The following ADAM23 variants were observed in gnomAD, a reference collection of about 807,000 sequenced individuals.
ADAM23 encodes ADAM metallopeptidase domain 23.
A neutral mutation model predicts 120.1 loss-of-function variants in ADAM23; 33 were observed. The ratio of observed to expected loss-of-function variants is 0.27; its 90% CI spans 0.21 to 0.37. ADAM23 has a LOEUF of 0.37. Among genes scored for constraint, ADAM23 ranks in the 10% least tolerant of loss-of-function variants. ADAM23 has a pLI of 1.00. For missense variants in ADAM23, 862 were observed against 1,058.2 expected, an observed-to-expected ratio of 0.81 and a Z score of 2.57; for synonymous variants, 367 against 375.2, an observed-to-expected ratio of 0.98 and a Z score of 0.25.
chr2:206,496,725 A>G (rs1696257093), intron 3 of ADAM23, among the ~76,000 whole-genome samples: 1 of 152,188 alleles, frequency 6.6e-6, no homozygotes, highest in African/African-American at 2.4e-5. Flanking sequence ...TGGTTTTTTG[A>G]ACAGATCAAC....
At chr2:206,477,864 C>A (rs1210295812) in intron 2 of ADAM23, among the ~76,000 whole-genome samples, 1 of 97,006 alleles carries the variant, frequency 1.0e-5, no homozygotes, top group Non-Finnish European at 1.9e-5. Context: ...TTGGAAGAAG[C>A]AAGCCAATAT....
At chr2:206,472,871 ACACGGTGATCTGCTTCCT>A (rs1695689579) in intron 2 of ADAM23, among the ~76,000 whole-genome samples, 1 of 152,152 alleles carries the variant, frequency 6.6e-6, no homozygotes, top group Admixed American at 6.5e-5. Context: ...GAACAAAGTC[ACACGGTGATCTGCTTCCT>A]TTAAGTAGGA....
chr2:206,585,260 G>A (rs1274390177), intron 18 of ADAM23, among the ~76,000 whole-genome samples: 1 of 152,192 alleles, frequency 6.6e-6, no homozygotes, highest in African/African-American at 2.4e-5. Context: ...GTTGCATAAG[G>A]TTAAGAGTGA....
rs1344965614 is a variant in ADAM23 at position 206,596,049 on chromosome 2, A to C, written c.2248-2A>C. The C allele has an allele frequency of 6.2e-7, 1 of 1,609,744 alleles. No individual in the cohort carries two copies. ...GCCATATCTGTTCCTTTTTCTTCACAGGTGTGTAGTAATGAAGCCACCTGC... is the reference window on the plus strand; with the variant it reads ...GCCATATCTGTTCCTTTTTCTTCACCGGTGTGTAGTAATGAAGCCACCTGC... On this transcript the variant is annotated splice_acceptor_variant, in intron 23 of 25. Transcript: ENST00000264377. LOFTEE classifies it high-confidence loss of function.
intron 4 of ADAM23, among the ~76,000 whole-genome samples, chr2:206,535,220 T>C (rs1480093225): frequency 6.6e-6 from 1 of 152,244 alleles, no homozygotes; most frequent in Non-Finnish European, 1.5e-5. Flanking sequence ...TTCAATTCTA[T>C]GTCACTCTCT....
chr2:206,588,172 G>A lies in ADAM23; in HGVS notation c.1852+18G>A, dbSNP rs766501884. The A allele has an allele frequency of 6.2e-7, 1 of 1,613,508 alleles. No homozygotes were observed. Among genetic ancestry groups the A allele is most frequent in the Non-Finnish European group, 8.5e-7 (1 of 1,179,624 alleles). The stretch of plus-strand genomic sequence containing the variant: ...GGGAACAAGTAGGTCGCACCTCCTT[G>A]CTTGGCGGTTACACATACCATTTTC... On this transcript the variant is annotated intron_variant, in intron 20 of 25. Coordinates refer to ENST00000264377, the MANE Select transcript of ADAM23 (RefSeq NM_003812.4).
chr2:206,526,171 CACACACACAG>C (rs955320601), intron 3 of ADAM23, among the ~76,000 whole-genome samples: 14 of 147,634 alleles, frequency 9.5e-5, no homozygotes, highest in South Asian at 2.2e-4. Flanking sequence ...CACACACACA[CACACACACAG>C]ACACACACAG....
chr2:206,562,947 AG>A (rs1697798127), intron 13 of ADAM23, among the ~76,000 whole-genome samples: 1 of 152,200 alleles, frequency 6.6e-6, no homozygotes, highest in African/African-American at 2.4e-5. Flanking sequence ...AGAGGTAGAT[AG>A]GAAGACAGGG....
At chr2:206,464,700 C>T (rs1262611981) in intron 2 of ADAM23, among the ~76,000 whole-genome samples, 1 of 152,076 alleles carries the variant, frequency 6.6e-6, no homozygotes, top group African/African-American at 2.4e-5. Flanking sequence ...CCAGTTTGCT[C>T]CCCGCTGCCA....
intron 2 of ADAM23, among the ~76,000 whole-genome samples, chr2:206,460,014 A>G (rs1364888693): frequency 6.6e-6 from 1 of 152,090 alleles, no homozygotes; most frequent in Non-Finnish European, 1.5e-5. Context: ...TCTGTTTCAC[A>G]CATATCAGGC....
intron 2 of ADAM23, among the ~76,000 whole-genome samples, chr2:206,463,538 G>A (rs561385640): frequency 6.6e-6 from 1 of 152,356 alleles, no homozygotes; most frequent in South Asian, 2.1e-4. Flanking sequence ...AAATTTGTTA[G>A]GGTAGCAGCA....
intron 2 of ADAM23, among the ~76,000 whole-genome samples, chr2:206,473,575 T>TAAC (rs927315807): frequency 1.4e-5 from 2 of 143,982 alleles, no homozygotes; most frequent in African/African-American, 2.7e-5. Flanking sequence ...ATCTCTAAAA[T>TAAC]AATAATAATA....
At chr2:206,534,380 A>G (rs1171013791) in intron 4 of ADAM23, among the ~76,000 whole-genome samples, 1 of 152,176 alleles carries the variant, frequency 6.6e-6, no homozygotes. Context: ...ATATATAGGA[A>G]TTGTATGTAT....
chr2:206,547,250 G>T (rs1697417175), intron 6 of ADAM23, among the ~76,000 whole-genome samples, 179 bp from the exon 7 acceptor site: 4 of 152,122 alleles, frequency 2.6e-5, no homozygotes, highest in Admixed American at 2.6e-4. Flanking sequence ...GCAATTAGAT[G>T]ATACTCTTTT....
intron 18 of ADAM23, among the ~76,000 whole-genome samples, chr2:206,577,063 A>G (rs1358950151): frequency 6.6e-6 from 1 of 152,302 alleles, no homozygotes; most frequent in African/African-American, 2.4e-5. Context: ...TGCTCCACTC[A>G]TAAGCAGAAT....
intron 24 of ADAM23, among the ~76,000 whole-genome samples, chr2:206,608,339 A>G (rs960757787): frequency 6.6e-6 from 1 of 152,130 alleles, no homozygotes; most frequent in African/African-American, 2.4e-5. Flanking sequence ...GACTTATAGG[A>G]TATGTTTTAG....
In ADAM23 at chr2:206,560,108, C is replaced by T; in HGVS notation, c.1159C>T (p.His387Tyr). 1.2e-6 allele frequency: 2 copies of T among 1,613,492 alleles called. No homozygotes were observed. Among genetic ancestry groups the T allele is most frequent in the Middle Eastern group, 1.6e-4 (1 of 6,062 alleles). The change falls in exon 11 of 26, where the codon CAC becomes TAC. Residue 387 changes from histidine (H) to tyrosine (Y), a missense_variant. Coordinates refer to ENST00000264377, the MANE Select transcript of ADAM23 (RefSeq NM_003812.4). Reference protein sequence around the residue: ...QRIKQHADAVHLISRVTFHYK... With the variant: ...QRIKQHADAVYLISRVTFHYK... ...CATTAAGCAGCATGCTGATGCTGTG[C>T]ACCTCATCTCGTACGTACTCATTTC...
intron 3 of ADAM23, among the ~76,000 whole-genome samples, chr2:206,493,507 G>GTA (rs1283392263): frequency 4.8e-4 from 73 of 152,222 alleles, no homozygotes; most frequent in African/African-American, 1.6e-3. Flanking sequence ...CAGGTAGCTG[G>GTA]GATTACAGGC....
rs185296207 is a variant in ADAM23 at position 206,618,724 on chromosome 2, C to A, written c.*1097C>A. ...CCAAAAATAAAAGGGGGGACATAAA[C>A]AACAAAATAACCCATATCAAAGACA... On this transcript the variant is annotated 3_prime_UTR_variant, in exon 26 of 26. Transcript: ENST00000264377. 1.3e-5 allele frequency: 2 copies of A among 151,100 alleles called. No homozygotes were observed. Among genetic ancestry groups the A allele is most frequent in the Non-Finnish European group, 2.9e-5 (2 of 67,970 alleles). 9.4% of individuals were successfully genotyped at this position (151,100 alleles called of 1,614,324 possible).
Sources: gnomAD v4.1 joint callset for allele counts (sites outside exome capture counted in the v4.1 genomes callset) on GRCh38, gnomAD v4.1.1 for gene constraint, MANE v1.5 for transcripts, NCBI Gene and HGNC (gene_info 2026-07-23, HGNC 2026-07-21) for gene names.